The following PDE4D variants were observed in gnomAD, a reference collection of about 807,000 sequenced individuals.
PDE4D encodes 3',5'-cyclic-AMP phosphodiesterase 4D.
PDE4D carries 24 observed loss-of-function variants against 87.4 expected under a neutral mutation model. The observed-to-expected ratio is 0.27, with a 90% CI of 0.20 to 0.39. The LOEUF (loss-of-function observed/expected upper bound fraction) is 0.39. Ranked by LOEUF, PDE4D falls within the 10% of genes least tolerant of loss-of-function variation. PDE4D has a pLI of 1.00. For synonymous variants in PDE4D, 384 were observed against 383.2 expected (o/e 1.00, Z -0.02); for missense variants, 714 against 1,041.0 (o/e 0.69, Z 4.32).
At chr5:59,523,783 G>C (rs1812625698) in intron 1 of PDE4D, among the ~76,000 whole-genome samples, 1 of 152,304 alleles carries the variant, frequency 6.6e-6, no homozygotes, top group African/African-American at 2.4e-5. Flanking sequence ...CCTCATGGGA[G>C]GTGATTAGAT....
At chr5:60,186,225 C>T (rs1167099240) in intron 1 of PDE4D, among the ~76,000 whole-genome samples, 2 of 152,126 alleles carry the variant, frequency 1.3e-5, no homozygotes, top group African/African-American at 4.8e-5. Flanking sequence ...TTATCTACCC[C>T]TTTAGTTCTT....
At chr5:59,780,534 T>G (rs955316384) in intron 1 of PDE4D, among the ~76,000 whole-genome samples, 1 of 152,214 alleles carries the variant, frequency 6.6e-6, no homozygotes, top group African/African-American at 2.4e-5. Context: ...CAGTAAAATA[T>G]GTTTTAAATT....
rs1743533375 is a variant in PDE4D, at chr5:58,975,653, T to C, written c.2013+4A>G. On this transcript the variant is annotated splice_donor_region_variant and intron_variant, in intron 14 of 14. Transcript: ENST00000340635. The surrounding 1 kb of genome is among the most constrained non-coding windows in gnomAD (Gnocchi z 4.2). ...CTCTGAAAGCTATACACTTCATGCA[T>C]TACCTGTGATTTTTCCACGGAAGCA... 6.3e-7 allele frequency: 1 copy of C among 1,586,744 alleles called. No individual in the cohort carries two copies. Among genetic ancestry groups the C allele is most frequent in the Non-Finnish European group, 8.6e-7 (1 of 1,165,774 alleles).
chr5:59,769,162 C>G (rs1305491067), intron 1 of PDE4D, among the ~76,000 whole-genome samples: 2 of 152,044 alleles, frequency 1.3e-5, no homozygotes, highest in South Asian at 2.1e-4. Context: ...ATCTGATGAA[C>G]CACATAAGAC....
intron 1 of PDE4D, among the ~76,000 whole-genome samples, chr5:59,637,480 A>G (rs1325230181): frequency 6.6e-6 from 1 of 152,128 alleles, no homozygotes; most frequent in East Asian, 1.9e-4. Flanking sequence ...CACAATAGCA[A>G]AGACTTGGAA....
intron 2 of PDE4D, among the ~76,000 whole-genome samples, chr5:60,038,426 G>A (rs1363828754): frequency 6.6e-6 from 1 of 152,082 alleles, no homozygotes; most frequent in Non-Finnish European, 1.5e-5. Context: ...TCAAAGATCA[G>A]ATAGTTGTAG....
chr5:59,613,943 T>C (rs1829325157), intron 1 of PDE4D, among the ~76,000 whole-genome samples: 1 of 152,200 alleles, frequency 6.6e-6, no homozygotes, highest in African/African-American at 2.4e-5. Flanking sequence ...ATGAAGATTA[T>C]CTTAATATTT....
chr5:59,648,411 C>T (rs932031527), intron 1 of PDE4D, among the ~76,000 whole-genome samples: 1 of 152,128 alleles, frequency 6.6e-6, no homozygotes, highest in Admixed American at 6.6e-5. Flanking sequence ...TTAACATTTT[C>T]ATTACACAAT....
At chr5:59,323,063 A>G (rs27171) in intron 1 of PDE4D, among the ~76,000 whole-genome samples, 56,770 of 151,992 alleles carry the variant, frequency 0.37, 11,947 homozygotes, top group East Asian at 0.64. Context: ...AATTCAACTA[A>G]TCCCTAACCT....
chr5:60,278,098 C>A (rs1024310291), intron 1 of PDE4D, among the ~76,000 whole-genome samples: 1 of 152,084 alleles, frequency 6.6e-6, no homozygotes, highest in Non-Finnish European at 1.5e-5. Context: ...TTTAGCCATT[C>A]TTTTACAGCA....
At chr5:60,355,955 C>T (rs1759582902) in intron 1 of PDE4D, among the ~76,000 whole-genome samples, 1 of 152,082 alleles carries the variant, frequency 6.6e-6, no homozygotes, top group African/African-American at 2.4e-5. Context: ...CAGACTTGTG[C>T]TGTTCAAAGA....
At chr5:59,579,044 C>A (rs1823637136) in intron 1 of PDE4D, among the ~76,000 whole-genome samples, 1 of 152,004 alleles carries the variant, frequency 6.6e-6, no homozygotes, top group Non-Finnish European at 1.5e-5. Flanking sequence ...TATAACTTAC[C>A]CCCAGACACT....
chr5:59,364,979 A>G (rs1348296183), intron 1 of PDE4D, among the ~76,000 whole-genome samples: 1 of 152,192 alleles, frequency 6.6e-6, no homozygotes, highest in African/African-American at 2.4e-5. Flanking sequence ...GTCAATGGTG[A>G]AAACAATTCA....
chr5:60,415,475 C>T (rs1274580458), intron 1 of PDE4D, among the ~76,000 whole-genome samples: 2 of 152,230 alleles, frequency 1.3e-5, no homozygotes, highest in Non-Finnish European at 2.9e-5. Flanking sequence ...CAGGCGGGAA[C>T]CGGGGCTGCG....
At chr5:60,149,731 T>A (rs1781327800) in intron 2 of PDE4D, among the ~76,000 whole-genome samples, 1 of 151,486 alleles carries the variant, frequency 6.6e-6, no homozygotes, top group African/African-American at 2.4e-5. Context: ...TCTAGGACTA[T>A]GTTCCCTTCC....
At chr5:59,285,796 A>T (rs901033512) in intron 1 of PDE4D, among the ~76,000 whole-genome samples, 2 of 152,134 alleles carry the variant, frequency 1.3e-5, no homozygotes, top group Non-Finnish European at 2.9e-5. Context: ...TGGCAGGACA[A>T]TGGGGAGGGT....
intron 2 of PDE4D, among the ~76,000 whole-genome samples, chr5:60,183,293 T>C (rs1459742335): frequency 6.6e-6 from 1 of 152,260 alleles, no homozygotes; most frequent in African/African-American, 2.4e-5. Flanking sequence ...TAATATACTC[T>C]GTTTGCCCTG....
intron 3 of PDE4D, among the ~76,000 whole-genome samples, chr5:59,976,392 G>A (rs995066380): frequency 1.3e-5 from 2 of 152,084 alleles, no homozygotes; most frequent in Non-Finnish European, 2.9e-5. Flanking sequence ...CTCATAAATG[G>A]CTTGGTGCCC....
At chr5:59,913,943 T>C (rs894398492) in intron 3 of PDE4D, among the ~76,000 whole-genome samples, 7 of 152,046 alleles carry the variant, frequency 4.6e-5, no homozygotes, top group Admixed American at 2.6e-4. Context: ...CTGAAAACCA[T>C]ATAATAATAA....
Sources: gnomAD v4.1 joint callset for allele counts (sites outside exome capture counted in the v4.1 genomes callset) on GRCh38, gnomAD v4.1.1 for gene constraint, Gnocchi (gnomAD v3.1) non-coding constraint, MANE v1.5 for transcripts, NCBI Gene and HGNC (gene_info 2026-07-23, HGNC 2026-07-21) for gene names.